EIF4H: variants seen among roughly 807,000 people sequenced by gnomAD.
EIF4H encodes Williams-Beuren syndrome chromosome region 1.
In EIF4H, 8 loss-of-function variants were observed where a neutral mutation model predicts 30.6. The ratio of observed to expected loss-of-function variants is 0.26; its 90% CI spans 0.15 to 0.47. The LOEUF is 0.47. Among genes scored for constraint, EIF4H ranks in the 20% least tolerant of loss-of-function variants. The pLI is 0.99. For missense variants in EIF4H, 188 were observed against 339.5 expected (o/e 0.55, Z 3.51); for synonymous variants, 106 against 122.7 (o/e 0.86, Z 0.90).
At chr7:74,178,402 G>A (rs1290237935) in intron 1 of EIF4H, among the ~76,000 whole-genome samples, 2 of 152,022 alleles carry the variant, frequency 1.3e-5, no homozygotes, top group Admixed American at 1.3e-4. Context: ...ATACAAAACG[G>A]GTGTGGCGGC....
At position 74,195,627 on chromosome 7, in the gene EIF4H, C is replaced by T. The variant is rs1245402751; in HGVS notation, c.*319C>T. Reference sequence around the variant, plus strand: ...TCCTCGGAGGAGCAGAGGTGGCCGCCGTGGGGGGGCGTTTGGGCTGCGGTG... The same window carrying T: ...TCCTCGGAGGAGCAGAGGTGGCCGCTGTGGGGGGGCGTTTGGGCTGCGGTG... On this transcript the variant is annotated 3_prime_UTR_variant, in exon 7 of 7. Coordinates refer to ENST00000265753, the MANE Select transcript of EIF4H (RefSeq NM_022170.2). The T allele has an allele frequency of 1.7e-5, 4 of 234,482 alleles. No homozygotes were observed. The highest frequency in any genetic ancestry group is 6.8e-5 in the African/African-American group (3 of 44,060). The allele number at this position is 234,482 out of a possible 1,614,324, so 14.5% of individuals were successfully genotyped here.
intron 5 of EIF4H, among the ~76,000 whole-genome samples, chr7:74,193,613 T>G (rs74857888): frequency 8.9e-6 from 1 of 112,114 alleles, no homozygotes; most frequent in African/African-American, 5.1e-5. Context: ...TTTTCGCCAG[T>G]TTTTTTTTTT....
chr7:74,185,357 ATTT>A (rs1801059226), intron 1 of EIF4H, among the ~76,000 whole-genome samples: 1 of 152,198 alleles, frequency 6.6e-6, no homozygotes, highest in Non-Finnish European at 1.5e-5. Flanking sequence ...ATATTTTAGG[ATTT>A]ATGATTTCGG....
chr7:74,188,494 G>A (rs574908406), intron 2 of EIF4H, among the ~76,000 whole-genome samples: 5 of 152,278 alleles, frequency 3.3e-5, no homozygotes, highest in African/African-American at 9.6e-5. Flanking sequence ...AACTTGGGGC[G>A]GGGAGCTGTG....
chr7:74,191,066 C>T (rs904424859), intron 5 of EIF4H: 63 of 424,212 alleles, frequency 1.5e-4, no homozygotes, highest in African/African-American at 9.6e-4. Flanking sequence ...AAAACAAAAC[C>T]GGTGTAAAGT....
intron 1 of EIF4H, among the ~76,000 whole-genome samples, chr7:74,182,903 C>G (rs1356589163): frequency 6.6e-6 from 1 of 152,202 alleles, no homozygotes; most frequent in African/African-American, 2.4e-5. Flanking sequence ...CTGTTGCTCT[C>G]TGCTGTGCTG....
rs1554710784 is a variant in EIF4H at position 74,196,446 on chromosome 7, C to G, written c.*1138C>G. 6.5e-6 allele frequency: 1 copy of G among 152,702 alleles called. No homozygotes were observed. Among genetic ancestry groups the G allele is most frequent in the East Asian group, 1.9e-4 (1 of 5,202 alleles). The allele number at this position is 152,702 out of a possible 1,614,324, so 9.5% of individuals were successfully genotyped here. Reference sequence around the variant, plus strand: ...AGTAGAGGACTGCAGCTGTCTAGGTCTGCGGCCACATCTTGGGGACACACT... The same window carrying G: ...AGTAGAGGACTGCAGCTGTCTAGGTGTGCGGCCACATCTTGGGGACACACT... On this transcript the variant is annotated 3_prime_UTR_variant, in exon 7 of 7. Coordinates refer to ENST00000265753, the MANE Select transcript of EIF4H (RefSeq NM_022170.2).
rs148900034 is a variant in EIF4H, at chr7:74,178,536, G to C, written c.59+4094G>C. Among the ~76,000 whole-genome samples the C allele has an allele frequency of 1.3e-3, 198 of 150,234 alleles. 1 individual carries two copies. Among genetic ancestry groups the C allele is most frequent in the Middle Eastern group, 0.01 (3 of 292 alleles). ...TCCTCCAGCCTGGGCGACAGAGAGA[G>C]ACTGTCTCCAAAAAAAAAAAAAGAA... On this transcript the variant is annotated intron_variant, in intron 1 of 6. Coordinates refer to ENST00000265753, the MANE Select transcript of EIF4H (RefSeq NM_022170.2).
At chr7:74,186,315 G>GC (rs1346483545) in intron 1 of EIF4H, among the ~76,000 whole-genome samples, 17 of 151,234 alleles carry the variant, frequency 1.1e-4, no homozygotes, top group African/African-American at 4.1e-4. Context: ...CTGGGTTCAA[G>GC]CGATTCTCCT....
chr7:74,176,313 C>G (rs1326156579), intron 1 of EIF4H, among the ~76,000 whole-genome samples: 2 of 150,814 alleles, frequency 1.3e-5, no homozygotes, highest in Non-Finnish European at 3.0e-5. Context: ...TCTCGGCTCA[C>G]TGCAACCTCC....
chr7:74,186,830 T>TGAGACGGAG (rs1801093918), intron 1 of EIF4H, among the ~76,000 whole-genome samples: 1 of 83,222 alleles, frequency 1.2e-5, no homozygotes, highest in Non-Finnish European at 2.3e-5. Context: ...TTTTTTTTTT[T>TGAGACGGAG]TTTTTTTTTT....
At chr7:74,187,154 G>T (rs1554709304) in intron 1 of EIF4H, among the ~76,000 whole-genome samples, 1 of 152,164 alleles carries the variant, frequency 6.6e-6, no homozygotes, top group Non-Finnish European at 1.5e-5. Flanking sequence ...TTTGGGCTGG[G>T]CATGGTGGCT....
At chr7:74,192,802 C>T (rs1451231027) in intron 5 of EIF4H, among the ~76,000 whole-genome samples, 1 of 151,334 alleles carries the variant, frequency 6.6e-6, no homozygotes, top group African/African-American at 2.4e-5. Flanking sequence ...CTCAGCCTCC[C>T]AAGTAGCTGG....
At chr7:74,185,414 C>T (rs1554709059) in intron 1 of EIF4H, among the ~76,000 whole-genome samples, 3 of 152,124 alleles carry the variant, frequency 2.0e-5, no homozygotes, top group Non-Finnish European at 4.4e-5. Flanking sequence ...TATTGAAATG[C>T]AAAGTAAGTC....
At chr7:74,187,459 T>C in intron 1 of EIF4H, 152 bp from the exon 2 acceptor site, 1 of 765,994 alleles carries the variant, frequency 1.3e-6, no homozygotes, top group Non-Finnish European at 1.9e-6. Flanking sequence ...TTTTTTTTTG[T>C]TTCTCCAGCC....
At chr7:74,191,092 G>A (rs552614325) in intron 5 of EIF4H, 20 of 500,108 alleles carry the variant, frequency 4.0e-5, no homozygotes, top group Non-Finnish European at 6.4e-5. Flanking sequence ...GTGAGTATGG[G>A]AGGGACTGGT....
chr7:74,184,382 A>G (rs1181267860), intron 1 of EIF4H, among the ~76,000 whole-genome samples: 1 of 152,126 alleles, frequency 6.6e-6, no homozygotes, highest in Non-Finnish European at 1.5e-5. Flanking sequence ...CAACTACATC[A>G]AACACCCGAG....
intron 1 of EIF4H, among the ~76,000 whole-genome samples, chr7:74,183,478 TATAAC>T (rs1199959964): frequency 5.3e-5 from 8 of 152,212 alleles, no homozygotes; most frequent in Admixed American, 4.6e-4. Context: ...AAGATTGAAA[TATAAC>T]AGACAAGAAA....
Position 74,189,648 on chromosome 7 carries a change from A to G in EIF4H, c.248-25A>G, listed in dbSNP as rs375960912. On this transcript the variant is annotated intron_variant, in intron 2 of 6. Coordinates refer to ENST00000265753, the MANE Select transcript of EIF4H (RefSeq NM_022170.2). The stretch of plus-strand genomic sequence containing the variant: ...CTTTAACCCAGAATTACTTGAGGAA[A>G]TCGGGGTCTTCTTTTCTTTTCCAGG... 4.5e-5 allele frequency: 72 copies of G among 1,611,674 alleles called. No homozygotes were observed. In the Middle Eastern group the frequency reaches 6.1e-4, roughly 14 times the overall value.
Sources: gnomAD v4.1 joint callset for allele counts (sites outside exome capture counted in the v4.1 genomes callset) on GRCh38, gnomAD v4.1.1 for gene constraint, MANE v1.5 for transcripts, NCBI Gene and HGNC (gene_info 2026-07-23, HGNC 2026-07-21) for gene names.